BRAP: variants seen among roughly 807,000 people sequenced by gnomAD.
The protein encoded by BRAP is BRCA1-associated protein.
In BRAP, 42 loss-of-function variants were observed where a neutral mutation model predicts 73.4. That is an observed-to-expected ratio of 0.57 (90% CI 0.45 to 0.74). The LOEUF is 0.74. BRAP is among the 30% of genes least tolerant of loss of function. The pLI is 0.00. For missense variants in BRAP, 593 were observed against 751.4 expected (o/e 0.79, Z 2.46); for synonymous variants, 255 against 267.4 (o/e 0.95, Z 0.45).
chr12:111,683,318 CATGA>C lies in BRAP; in HGVS notation c.83-15_83-12del. 6.2e-7 allele frequency: 1 copy of C among 1,605,212 alleles called. No homozygotes were observed. Among genetic ancestry groups the C allele is most frequent in the Admixed American group, 1.7e-5 (1 of 57,598 alleles). On this transcript the variant is annotated splice_polypyrimidine_tract_variant and intron_variant, in intron 1 of 11. Transcript: ENST00000419234. ...CAGACATTTCCCCGGCTAAAGAACA[CATGA>C]ATGATTAATACAAGGTAATAAAACA...
intron 11 of BRAP, among the ~76,000 whole-genome samples, chr12:111,645,322 C>T (rs1886070058): frequency 6.6e-6 from 1 of 152,198 alleles, no homozygotes; most frequent in Admixed American, 6.5e-5. Flanking sequence ...CCACCTTGGC[C>T]TCCCAAAGTG....
intron 6 of BRAP, among the ~76,000 whole-genome samples, chr12:111,663,003 T>C (rs1456140496): frequency 6.6e-6 from 1 of 151,348 alleles, no homozygotes; most frequent in Non-Finnish European, 1.5e-5. Flanking sequence ...GAACTGGTTC[T>C]GAAATCTAAT....
At chr12:111,683,787 C>A (rs1236400013) in intron 1 of BRAP, among the ~76,000 whole-genome samples, 1 of 152,102 alleles carries the variant, frequency 6.6e-6, no homozygotes, top group Non-Finnish European at 1.5e-5. Context: ...AGTGATCCAC[C>A]CGCCTTGACC....
In BRAP at chr12:111,649,966, A is replaced by G. The variant is rs1363752887; in HGVS notation, c.1388T>C (p.Leu463Pro). Residue 463 changes from leucine to proline, a missense_variant, in exon 11 of 12, where the codon CTA becomes CCA. Physicochemically the swap from Leu to Pro is moderately conservative, Grantham distance 98. This residue lies in a region of BRAP where 143 missense variants were observed against 190.4 expected (regional missense o/e 0.75). Coordinates refer to ENST00000419234, the MANE Select transcript of BRAP (RefSeq NM_006768.5). The part of the protein sequence containing the change: ...DNLEHKLNDL[L>P]KEKQSVERKC... ...TCTTTCCACAGACTGCTTTTCTTTT[A>G]GGAGATCATTTAGTTTGTGCTCTAG... 1 of 1,610,456 alleles carries G rather than the reference A, an allele frequency of 6.2e-7. No individual in the cohort carries two copies. Among genetic ancestry groups the G allele is most frequent in the Admixed American group, 1.7e-5 (1 of 59,966 alleles).
intron 11 of BRAP, among the ~76,000 whole-genome samples, chr12:111,645,622 ACTTGGGAGTGCCCTATT>A: frequency 6.6e-6 from 1 of 152,274 alleles, no homozygotes; most frequent in South Asian, 2.1e-4. Context: ...AGGGCTTTAG[ACTTGGGAGTGCCCTATT>A]CTTGATGTCC....
intron 3 of BRAP, among the ~76,000 whole-genome samples, chr12:111,680,421 G>A (rs1887555627): frequency 1.3e-5 from 2 of 151,982 alleles, no homozygotes; most frequent in South Asian, 4.1e-4. Context: ...CCTGTGCCGG[G>A]TGCAGTGACT....
intron 11 of BRAP, 77 bp from the exon 12 acceptor site, chr12:111,644,639 A>G: frequency 1.3e-6 from 2 of 1,549,378 alleles, no homozygotes; most frequent in Non-Finnish European, 1.7e-6. Context: ...GGGATTGAAC[A>G]GAGAAACCAT....
At chr12:111,645,870 G>C (rs968114484) in intron 11 of BRAP, among the ~76,000 whole-genome samples, 6 of 152,060 alleles carry the variant, frequency 3.9e-5, no homozygotes, top group African/African-American at 1.4e-4. Context: ...TGCACCTGTG[G>C]TCCCAGATTT....
Position 111,644,575 on chromosome 12 carries a change from A to C in BRAP, c.1416-13T>G, listed in dbSNP as rs776417310. ...TAGCTGAGTGCACCTTTTGAAAAAC[A>C]AAGGAAGACAAAAGCACATTTTTCA... On this transcript the variant is annotated splice_polypyrimidine_tract_variant and intron_variant, in intron 11 of 11. Transcript: ENST00000419234. 18 of 1,607,442 alleles carry C rather than the reference A, an allele frequency of 1.1e-5. No homozygotes were observed. Among genetic ancestry groups the C allele is most frequent in the Non-Finnish European group, 1.4e-5 (16 of 1,175,396 alleles).
intron 10 of BRAP, among the ~76,000 whole-genome samples, chr12:111,653,302 T>C (rs748414283): frequency 6.6e-6 from 1 of 151,802 alleles, no homozygotes; most frequent in African/African-American, 2.4e-5. Flanking sequence ...TTGTACTACA[T>C]CCTAATATTT....
rs920505501 is a variant in BRAP at position 111,642,297 on chromosome 12, T to A, written c.*1902A>T. On this transcript the variant is annotated 3_prime_UTR_variant, in exon 12 of 12. Coordinates refer to ENST00000419234, the MANE Select transcript of BRAP (RefSeq NM_006768.5). Reference sequence around the variant, plus strand: ...GACTCTTTGACTGTTTAAAAAAAAATTTTTTTTTCTTTACGTATCTTGGTA... The same window carrying A: ...GACTCTTTGACTGTTTAAAAAAAAAATTTTTTTTCTTTACGTATCTTGGTA... 13 of 151,894 alleles carry A rather than the reference T, an allele frequency of 8.6e-5. No homozygotes were observed. The highest frequency in any genetic ancestry group is 2.7e-4 in the African/African-American group (11 of 41,350). The allele number at this position is 151,894 out of a possible 1,614,324, so 9.4% of individuals were successfully genotyped here.
intron 9 of BRAP, among the ~76,000 whole-genome samples, chr12:111,657,771 C>T (rs369061743): frequency 2.0e-5 from 3 of 151,860 alleles, no homozygotes; most frequent in African/African-American, 2.4e-5. Context: ...CCCAGCTACT[C>T]GGAAGGCTGA....
At chr12:111,647,921 T>C (rs1886168958) in intron 11 of BRAP, among the ~76,000 whole-genome samples, 1 of 151,282 alleles carries the variant, frequency 6.6e-6, no homozygotes, top group Admixed American at 6.6e-5. Context: ...AAAAAAAAAT[T>C]AGCCAGGGGT....
intron 4 of BRAP, among the ~76,000 whole-genome samples, chr12:111,677,241 T>C (rs1347515502): frequency 6.6e-6 from 1 of 152,150 alleles, no homozygotes; most frequent in Non-Finnish European, 1.5e-5. Flanking sequence ...CTGAGTGCTC[T>C]TCAACATTTT....
chr12:111,658,490 T>TA (rs1886616554), intron 9 of BRAP, among the ~76,000 whole-genome samples: 1 of 151,982 alleles, frequency 6.6e-6, no homozygotes, highest in African/African-American at 2.4e-5. Context: ...CATGCCCAGC[T>TA]AATTTTTTGC....
intron 4 of BRAP, among the ~76,000 whole-genome samples, chr12:111,677,786 T>C (rs1887441276): frequency 6.6e-6 from 1 of 152,204 alleles, no homozygotes; most frequent in African/African-American, 2.4e-5. Flanking sequence ...GTTCTTAATG[T>C]CAACTTGTAA....
At chr12:111,669,045 A>G (rs1423308732) in intron 5 of BRAP, among the ~76,000 whole-genome samples, 2 of 152,164 alleles carry the variant, frequency 1.3e-5, no homozygotes, top group African/African-American at 4.8e-5. Context: ...AAATGCCTAT[A>G]AGGAAAAAAG....
chr12:111,642,242 G>C lies in BRAP; in HGVS notation c.*1957C>G, dbSNP rs142187177. On this transcript the variant is annotated 3_prime_UTR_variant, in exon 12 of 12. Coordinates refer to ENST00000419234, the MANE Select transcript of BRAP (RefSeq NM_006768.5). ...TTCCCTCCTGAAGAAAACAACTTCTGTCTGATGTGATTTTGTGAAATTCAA... is the reference window on the plus strand; with the variant it reads ...TTCCCTCCTGAAGAAAACAACTTCTCTCTGATGTGATTTTGTGAAATTCAA... 9.5e-4 allele frequency: 144 copies of C among 152,030 alleles called. No individual in the cohort carries two copies. Among genetic ancestry groups the C allele is most frequent in the African/African-American group, 3.3e-3 (135 of 41,472 alleles). 9.4% of individuals were successfully genotyped at this position (152,030 alleles called of 1,614,324 possible). A position where few individuals can be genotyped will look rare whatever the true frequency, so the allele number is the denominator to read the frequency against.
At chr12:111,671,681 C>CTTT (rs980479092) in intron 5 of BRAP, among the ~76,000 whole-genome samples, 38 of 113,078 alleles carry the variant, frequency 3.4e-4, no homozygotes, top group Non-Finnish European at 4.2e-4. Context: ...AACAGAGAGA[C>CTTT]TTTTTTTTTT....
Sources: allele counts gnomAD v4.1 joint callset (sites outside exome capture counted in the v4.1 genomes callset), GRCh38; gene constraint gnomAD v4.1.1; regional missense constraint gnomAD v4.1.1; transcripts MANE v1.5; gene names NCBI Gene and HGNC (gene_info 2026-07-23, HGNC 2026-07-21).